The following FMN1 variants were observed in gnomAD, a reference collection of about 807,000 sequenced individuals.
FMN1 encodes the protein formin 1.
Under a neutral mutation model 132.4 loss-of-function variants are expected in FMN1, and 110 were observed. The ratio of observed to expected loss-of-function variants is 0.83; its 90% CI spans 0.71 to 0.97. The LOEUF (loss-of-function observed/expected upper bound fraction) is 0.97. Ranked by LOEUF, FMN1 falls within the 50% of genes least tolerant of loss-of-function variation. The pLI is 0.00. For synonymous variants in FMN1, 722 were observed against 651.7 expected (o/e 1.11, Z -1.64); for missense variants, 1,792 against 1,705.3 (o/e 1.05, Z -0.90).
intron 10 of FMN1, among the ~76,000 whole-genome samples, chr15:32,922,619 C>G (rs1373521664): frequency 6.6e-6 from 1 of 152,178 alleles, no homozygotes; most frequent in African/African-American, 2.4e-5. Context: ...CCAGTAAAAG[C>G]CACATGATCT....
intron 17 of FMN1, among the ~76,000 whole-genome samples, chr15:32,813,642 C>T (rs567282576): frequency 1.7e-4 from 26 of 152,330 alleles, no homozygotes; most frequent in African/African-American, 5.8e-4. Flanking sequence ...TGCACAACTA[C>T]CTGTATGCAG....
intron 4 of FMN1, among the ~76,000 whole-genome samples, chr15:33,149,141 A>G (rs374064200): frequency 6.6e-6 from 1 of 152,090 alleles, no homozygotes; most frequent in African/African-American, 2.4e-5. Flanking sequence ...ATTTTTCCGC[A>G]TCTTTCTCTT....
At chr15:33,067,515 G>C (rs779223312) in intron 5 of FMN1, 1 of 1,613,990 alleles carries the variant, frequency 6.2e-7, no homozygotes, top group African/African-American at 1.3e-5. Context: ...AAAGTAGACA[G>C]TGGAAGCAGC....
At chr15:33,115,420 A>G (rs1009197849) in intron 4 of FMN1, among the ~76,000 whole-genome samples, 4 of 152,050 alleles carry the variant, frequency 2.6e-5, no homozygotes, top group African/African-American at 7.2e-5. Context: ...TTGCTTATGA[A>G]AGAGGTAGGC....
chr15:32,902,210 T>G lies in FMN1; in HGVS notation c.3378-170A>C, dbSNP rs1231959147. 2.6e-5 allele frequency among the ~76,000 whole-genome samples: 4 copies of G among 152,354 alleles called. 1 individual carries two copies. The East Asian group carries it at 7.7e-4, about 29-fold the overall frequency. On this transcript the variant is annotated intron_variant, in intron 12 of 20. Transcript: ENST00000616417. ...ATTCCAAGGGCATGGTTTCCATTGT[T>G]GACAACAGGGCTGTTTTTTAAAGGA...
At chr15:32,881,075 CATATTTTTTGT>C (rs2059757794) in intron 16 of FMN1, among the ~76,000 whole-genome samples, 1 of 145,666 alleles carries the variant, frequency 6.9e-6, no homozygotes, top group Non-Finnish European at 1.5e-5. Context: ...TTTGTTTTTG[CATATTTTTTGT>C]ATATTTTGTA....
At chr15:32,957,679 T>G (rs949837111) in intron 9 of FMN1, among the ~76,000 whole-genome samples, 2 of 152,314 alleles carry the variant, frequency 1.3e-5, no homozygotes, top group Non-Finnish European at 2.9e-5. Flanking sequence ...TTTCCAAAGC[T>G]TTCACATTAG....
intron 19 of FMN1, among the ~76,000 whole-genome samples, chr15:32,780,295 T>C (rs2056622399): frequency 6.7e-6 from 1 of 148,584 alleles, no homozygotes; most frequent in African/African-American, 2.6e-5. Context: ...ATAAAGACCT[T>C]GCTGATAAAA....
At chr15:33,164,272 A>C (rs934880966) in intron 3 of FMN1, among the ~76,000 whole-genome samples, 1 of 152,244 alleles carries the variant, frequency 6.6e-6, no homozygotes, top group African/African-American at 2.4e-5. Flanking sequence ...ACTAAACTAG[A>C]GTTTCGGAGG....
rs115595515 is a variant in FMN1 at position 32,795,264 on chromosome 15, G to A, written c.4130+3540C>T. ...CAGGTGAGGCAAGGTAGCTATAGAT[G>A]TTTACCGATTTCAAGAGGGCAATGA... On this transcript the variant is annotated intron_variant, in intron 19 of 20. Transcript: ENST00000616417. 3.0e-3 allele frequency among the ~76,000 whole-genome samples: 453 copies of A among 152,204 alleles called. 4 individuals are homozygous for A. The highest frequency in any genetic ancestry group is 0.01 in the African/African-American group (429 of 41,536).
At chr15:32,855,139 C>A (rs1222184798) in intron 17 of FMN1, among the ~76,000 whole-genome samples, 1 of 123,996 alleles carries the variant, frequency 8.1e-6, no homozygotes, top group South Asian at 2.5e-4. Context: ...GGGTTCCACA[C>A]TGGAATTACG....
chr15:33,110,748 C>A (rs1202411479), intron 4 of FMN1, among the ~76,000 whole-genome samples: 3 of 151,736 alleles, frequency 2.0e-5, no homozygotes, highest in African/African-American at 4.8e-5. Context: ...AATATTAAAT[C>A]CCAATTAAAA....
chr15:32,995,299 G>A (rs1277552590), intron 7 of FMN1, among the ~76,000 whole-genome samples: 1 of 152,124 alleles, frequency 6.6e-6, no homozygotes, highest in Non-Finnish European at 1.5e-5. Context: ...GTCTTGGAAA[G>A]AATCTTAGTT....
rs1295025069 is a variant in FMN1 at position 32,969,178 on chromosome 15, G to A, written c.2523C>T (p.Leu841=). The part of the protein sequence containing the change: ...KKLNISSLSQ[L]SPPNDHKDIH... Reference sequence around the variant, plus strand: ...TGTCTTTGTGGTCATTTGGGGGTGAGAGCTGGCTTAAAGAGGAGATATTCA... The same window carrying A: ...TGTCTTTGTGGTCATTTGGGGGTGAAAGCTGGCTTAAAGAGGAGATATTCA... Residue 841 remains leucine, a synonymous_variant, in exon 8 of 21, where the codon CTC becomes CTT. Coordinates refer to ENST00000616417, the MANE Select transcript of FMN1 (RefSeq NM_001277313.2). 3 of 1,613,948 alleles carry A rather than the reference G, an allele frequency of 1.9e-6. No individual in the cohort carries two copies. Among genetic ancestry groups the A allele is most frequent in the Non-Finnish European group, 1.7e-6 (2 of 1,179,890 alleles).
intron 7 of FMN1, among the ~76,000 whole-genome samples, chr15:32,988,108 T>G (rs1013844259): frequency 5.6e-5 from 8 of 142,584 alleles, no homozygotes; most frequent in Non-Finnish European, 1.2e-4. Flanking sequence ...AAGCAGGGAG[T>G]GAGTGATGCT....
chr15:33,101,985 G>A (rs191600039), intron 4 of FMN1, among the ~76,000 whole-genome samples: 24 of 152,206 alleles, frequency 1.6e-4, no homozygotes, highest in Admixed American at 1.4e-3. Context: ...TGAAAGACAA[G>A]TGCTACCCAT....
intron 2 of FMN1, among the ~76,000 whole-genome samples, chr15:33,186,430 G>T: frequency 6.6e-6 from 1 of 151,834 alleles, no homozygotes; most frequent in South Asian, 2.1e-4. Flanking sequence ...ATTTCTGACT[G>T]TTCTCTAGTT....
intron 4 of FMN1, among the ~76,000 whole-genome samples, chr15:33,105,404 C>CA (rs145719122): frequency 0.015 from 2,349 of 152,200 alleles, 66 homozygotes; most frequent in African/African-American, 0.054. Flanking sequence ...GGTGGGGTAT[C>CA]AGAGGAATCT....
At chr15:32,949,942 T>TATATATATATATATATATATACACAC (rs2061589297) in intron 9 of FMN1, among the ~76,000 whole-genome samples, 1 of 41,796 alleles carries the variant, frequency 2.4e-5, no homozygotes. Flanking sequence ...CCAAAAAGCA[T>TATATATATATATATATATATACACAC]ATATATATAT....
Sources: gnomAD v4.1 joint callset for allele counts (sites outside exome capture counted in the v4.1 genomes callset) on GRCh38, gnomAD v4.1.1 for gene constraint, MANE v1.5 for transcripts, NCBI Gene and HGNC (gene_info 2026-07-23, HGNC 2026-07-21) for gene names.